The following NTN1 variants were observed in gnomAD, a reference collection of about 807,000 sequenced individuals.
NTN1 encodes netrin-1.
NTN1 carries 11 observed loss-of-function variants against 54.2 expected under a neutral mutation model. The observed-to-expected ratio is 0.20, with a 90% CI of 0.13 to 0.34. The LOEUF (loss-of-function observed/expected upper bound fraction) is 0.34, where lower values mean the gene tolerates loss of function less well. Among genes scored for constraint, NTN1 ranks in the 10% least tolerant of loss-of-function variants. NTN1 has a pLI of 1.00. For missense variants in NTN1, 740 were observed against 893.1 expected, an observed-to-expected ratio of 0.83 and a Z score of 2.18; for synonymous variants, 371 against 382.0, an observed-to-expected ratio of 0.97 and a Z score of 0.33.
chr17:9,156,854 A>G (rs566812294), intron 2 of NTN1, among the ~76,000 whole-genome samples: 1 of 152,162 alleles, frequency 6.6e-6, no homozygotes, highest in Non-Finnish European at 1.5e-5. Context: ...CTAACTATCT[A>G]ACTGTCTCTA....
chr17:9,026,712 T>C (rs909405307), intron 2 of NTN1, among the ~76,000 whole-genome samples: 2 of 151,256 alleles, frequency 1.3e-5, no homozygotes, highest in African/African-American at 4.9e-5. Flanking sequence ...TCATAAATTA[T>C]CGACATCAGT....
chr17:9,193,152 T>TA (rs909651016), intron 5 of NTN1, among the ~76,000 whole-genome samples: 4 of 151,956 alleles, frequency 2.6e-5, no homozygotes, highest in Admixed American at 6.6e-5. Flanking sequence ...GTGACCATGT[T>TA]AAAAAAGGAC....
chr17:9,074,731 C>T (rs1032811177), intron 2 of NTN1, among the ~76,000 whole-genome samples: 1 of 152,174 alleles, frequency 6.6e-6, no homozygotes, highest in East Asian at 1.9e-4. Context: ...TAGGCATGAT[C>T]ACTGAGCCTG....
At chr17:9,115,685 C>T (rs760051445) in intron 2 of NTN1, among the ~76,000 whole-genome samples, 1 of 152,250 alleles carries the variant, frequency 6.6e-6, no homozygotes, top group Non-Finnish European at 1.5e-5. Context: ...CCCCCCGGGG[C>T]GGGGACAAAC....
intron 2 of NTN1, among the ~76,000 whole-genome samples, chr17:9,027,960 C>T (rs933828550): frequency 2.0e-5 from 3 of 152,058 alleles, no homozygotes; most frequent in African/African-American, 4.8e-5. Context: ...CCCGTCTCTA[C>T]TAAAGATACA....
At chr17:9,021,183 C>G (rs897031805), upstream of NTN1, among the ~76,000 whole-genome samples, 1 of 150,468 alleles carries the variant, frequency 6.6e-6, no homozygotes, top group Non-Finnish European at 1.5e-5. Flanking sequence ...TGAGGCTCTC[C>G]GGGCGGCGCG....
At chr17:9,178,487 A>G (rs2092407932) in intron 3 of NTN1, among the ~76,000 whole-genome samples, 1 of 150,970 alleles carries the variant, frequency 6.6e-6, no homozygotes, top group South Asian at 2.1e-4. Context: ...CTCATTGGCC[A>G]CTCCTGGGCC....
chr17:9,181,971 A>G (rs1296281287), intron 4 of NTN1, among the ~76,000 whole-genome samples: 2 of 152,124 alleles, frequency 1.3e-5, no homozygotes, highest in East Asian at 1.9e-4. Context: ...TGCTTTTTAA[A>G]TATTTATTAT....
intron 2 of NTN1, among the ~76,000 whole-genome samples, chr17:9,153,830 T>C (rs1406334524): frequency 6.6e-6 from 1 of 151,872 alleles, no homozygotes; most frequent in Non-Finnish European, 1.5e-5. Context: ...CTCCAGAGAG[T>C]CCCATGGGAC....
chr17:9,140,872 A>G (rs2092295656), intron 2 of NTN1, among the ~76,000 whole-genome samples: 1 of 152,216 alleles, frequency 6.6e-6, no homozygotes, highest in Non-Finnish European at 1.5e-5. Flanking sequence ...GGTGACTTGG[A>G]CTAGGGAAAG....
intron 5 of NTN1, among the ~76,000 whole-genome samples, chr17:9,195,192 A>ACCGCCCCCCCCCCCCCCCCCCCC (rs3031881): frequency 8.1e-4 from 116 of 142,434 alleles, no homozygotes; most frequent in African/African-American, 8.9e-4. Flanking sequence ...GGCGAGCTCT[A>ACCGCCCCCCCCCCCCCCCCCCCC]CCACCCCTCC....
chr17:9,034,860 CA>C (rs2091898494), intron 2 of NTN1, among the ~76,000 whole-genome samples: 1 of 152,234 alleles, frequency 6.6e-6, no homozygotes, highest in African/African-American at 2.4e-5. Context: ...AACATACCAG[CA>C]ACCCAGAAGC....
At chr17:9,093,353 T>C (rs1345507953) in intron 2 of NTN1, among the ~76,000 whole-genome samples, 1 of 152,200 alleles carries the variant, frequency 6.6e-6, no homozygotes, top group Non-Finnish European at 1.5e-5. Flanking sequence ...TTTTTCTTAT[T>C]CTAAATTTTA....
the NTN1 span, among the ~76,000 whole-genome samples, chr17:9,013,773 C>T: frequency 2.0e-5 from 3 of 152,160 alleles, no homozygotes; most frequent in African/African-American, 4.8e-5. Flanking sequence ...CTCAGAGGCC[C>T]CCCACTATTT....
chr17:9,003,787 G>A, the NTN1 span, among the ~76,000 whole-genome samples: 1 of 152,160 alleles, frequency 6.6e-6, no homozygotes, highest in Non-Finnish European at 1.5e-5. This position sits in a 1 kb window ranked among gnomAD's most constrained non-coding sequence, Gnocchi z 7.4. Flanking sequence ...TTCATCCCCC[G>A]GGCTAATCTG....
At chr17:9,026,154 C>T (rs1429993026) in intron 2 of NTN1, among the ~76,000 whole-genome samples, 1 of 152,062 alleles carries the variant, frequency 6.6e-6, no homozygotes, top group African/African-American at 2.4e-5. Context: ...TGTGCCCCAC[C>T]CTCCCGCAAA....
At chr17:9,074,471 G>A (rs2092042689) in intron 2 of NTN1, among the ~76,000 whole-genome samples, 1 of 152,182 alleles carries the variant, frequency 6.6e-6, no homozygotes, top group African/African-American at 2.4e-5. Flanking sequence ...CTGCACCACT[G>A]GAAAAACAAC....
intron 1 of NTN1, 38 bp from the exon 2 acceptor site, chr17:9,022,273 G>C (rs1164444490): frequency 8.3e-7 from 1 of 1,198,292 alleles, no homozygotes; most frequent in African/African-American, 1.6e-5. Flanking sequence ...GGAGGGCGCG[G>C]GGCGGGCTGG....
At chr17:9,207,565 GT>G (rs1904998219) in intron 5 of NTN1, among the ~76,000 whole-genome samples, 1 of 152,206 alleles carries the variant, frequency 6.6e-6, no homozygotes, top group African/African-American at 2.4e-5. Context: ...AGCTTTGTAA[GT>G]CACAGAGCCA....
Sources: gnomAD v4.1 joint callset for allele counts (sites outside exome capture counted in the v4.1 genomes callset) on GRCh38, gnomAD v4.1.1 for gene constraint, Gnocchi (gnomAD v3.1) non-coding constraint, MANE v1.5 for transcripts, NCBI Gene and HGNC (gene_info 2026-07-23, HGNC 2026-07-21) for gene names.